FSTL4: variants seen among roughly 807,000 people sequenced by gnomAD.
FSTL4 encodes follistatin like 4.
In FSTL4, 28 loss-of-function variants were observed where a neutral mutation model predicts 78.2. The ratio of observed to expected loss-of-function variants is 0.36; its 90% confidence interval spans 0.27 to 0.49. FSTL4 has a LOEUF of 0.49. FSTL4 is among the 20% of genes least tolerant of loss of function. The pLI, the probability that FSTL4 is intolerant of heterozygous loss-of-function variation, is 0.98. For missense variants in FSTL4, 922 were observed against 1,084.9 expected, an observed-to-expected ratio of 0.85 and a Z score of 2.11; for synonymous variants, 422 against 440.5, an observed-to-expected ratio of 0.96 and a Z score of 0.53.
intron 3 of FSTL4, among the ~76,000 whole-genome samples, chr5:133,439,766 A>T (rs934248096): frequency 6.6e-6 from 1 of 152,192 alleles, no homozygotes; most frequent in Non-Finnish European, 1.5e-5. Context: ...CCAGATGCAC[A>T]TGGGAGAGCA....
chr5:133,383,418 G>C (rs1022815903), intron 4 of FSTL4, among the ~76,000 whole-genome samples: 9 of 152,210 alleles, frequency 5.9e-5, no homozygotes, highest in Admixed American at 1.3e-4. Flanking sequence ...TCGGGGGAGA[G>C]GAGAGCCTTT....
the FSTL4 span, among the ~76,000 whole-genome samples, chr5:133,782,104 T>C: frequency 6.6e-6 from 1 of 152,158 alleles, no homozygotes; most frequent in African/African-American, 2.4e-5. Context: ...ACAACAGCTA[T>C]GAAAAACGGG....
intron 3 of FSTL4, among the ~76,000 whole-genome samples, chr5:133,480,251 C>G (rs901005232): frequency 6.6e-6 from 1 of 152,258 alleles, no homozygotes; most frequent in African/African-American, 2.4e-5. Context: ...TACTTCACCT[C>G]TGTAAGCCTC....
At chr5:133,475,184 T>G (rs1757904158) in intron 3 of FSTL4, among the ~76,000 whole-genome samples, 1 of 152,224 alleles carries the variant, frequency 6.6e-6, no homozygotes, top group Non-Finnish European at 1.5e-5. Flanking sequence ...AGGCTCCTGT[T>G]CCCGAGAATT....
At chr5:133,700,252 C>A in the FSTL4 span, among the ~76,000 whole-genome samples, 112 of 151,608 alleles carry the variant, frequency 7.4e-4, 1 homozygote, top group African/African-American at 2.6e-3. Context: ...AACCATCACA[C>A]AAAGCCACCA....
chr5:133,418,248 G>A lies in FSTL4; in HGVS notation c.161-17262C>T, dbSNP rs554046114. On this transcript the variant is annotated intron_variant, in intron 3 of 15. Coordinates refer to ENST00000265342, the MANE Select transcript of FSTL4 (RefSeq NM_015082.2). Reference sequence around the variant, plus strand: ...AAAAAGATGGATATTATAAATTACCGATATCAGGAGTGAAAGAAAGAGTAT... The same window carrying A: ...AAAAAGATGGATATTATAAATTACCAATATCAGGAGTGAAAGAAAGAGTAT... 1.0e-3 allele frequency among the ~76,000 whole-genome samples: 139 copies of A among 137,526 alleles called. 3 individuals are homozygous for A. The South Asian group carries it at 0.012, about 12-fold the overall frequency. 90.2% of individuals were successfully genotyped at this position (137,526 alleles called of 152,430 possible).
At chr5:133,255,173 G>A (rs942490663) in intron 6 of FSTL4, among the ~76,000 whole-genome samples, 18 of 152,216 alleles carry the variant, frequency 1.2e-4, no homozygotes, top group Non-Finnish European at 2.4e-4. Flanking sequence ...CAGTGAGAGA[G>A]GGCTCAGCCA....
At chr5:133,806,988 T>G in the FSTL4 span, among the ~76,000 whole-genome samples, 1 of 152,246 alleles carries the variant, frequency 6.6e-6, no homozygotes, top group East Asian at 1.9e-4. Context: ...CAGGGAACAT[T>G]TCAGGTGTGG....
chr5:133,238,668 A>G (rs1444112952), intron 7 of FSTL4, among the ~76,000 whole-genome samples: 1 of 152,184 alleles, frequency 6.6e-6, no homozygotes, highest in Non-Finnish European at 1.5e-5. Context: ...AGCGCACCCA[A>G]ACATCTACAT....
intron 4 of FSTL4, among the ~76,000 whole-genome samples, chr5:133,348,069 T>C (rs1285201368): frequency 1.3e-5 from 2 of 152,196 alleles, no homozygotes; most frequent in Non-Finnish European, 2.9e-5. Context: ...TTTTTTCTCC[T>C]AAGTTCTTCC....
chr5:133,763,758 A>G, the FSTL4 span, among the ~76,000 whole-genome samples: 1 of 152,256 alleles, frequency 6.6e-6, no homozygotes, highest in African/African-American at 2.4e-5. Flanking sequence ...AGAGACTGAA[A>G]TATGAAGTGA....
the FSTL4 span, among the ~76,000 whole-genome samples, chr5:133,660,994 T>TA: frequency 1.3e-5 from 2 of 148,420 alleles, no homozygotes; most frequent in East Asian, 2.0e-4. Flanking sequence ...TATTTTTTTT[T>TA]ACTTTTGTTT....
At chr5:133,445,711 G>A (rs780558937) in intron 3 of FSTL4, among the ~76,000 whole-genome samples, 7 of 152,172 alleles carry the variant, frequency 4.6e-5, no homozygotes, top group Non-Finnish European at 7.4e-5. Flanking sequence ...TCCCCAAAAC[G>A]TGCACAGGCC....
chr5:133,392,976 C>T (rs1755890027), intron 4 of FSTL4, among the ~76,000 whole-genome samples: 1 of 152,206 alleles, frequency 6.6e-6, no homozygotes, highest in South Asian at 2.1e-4. Flanking sequence ...AATATTCTTG[C>T]ACATTTGCGG....
At chr5:133,417,745 G>A (rs1429291697) in intron 3 of FSTL4, among the ~76,000 whole-genome samples, 2 of 151,890 alleles carry the variant, frequency 1.3e-5, no homozygotes. Flanking sequence ...ATCACTTGAG[G>A]TCAGGAGTTT....
At chr5:133,656,425 C>G in the FSTL4 span, among the ~76,000 whole-genome samples, 1 of 152,162 alleles carries the variant, frequency 6.6e-6, no homozygotes, top group Non-Finnish European at 1.5e-5. Context: ...TTTGCACAGG[C>G]AGTGGCAGTT....
chr5:133,484,448 A>G (rs940735422), intron 3 of FSTL4, among the ~76,000 whole-genome samples: 1 of 152,242 alleles, frequency 6.6e-6, no homozygotes, highest in African/African-American at 2.4e-5. Flanking sequence ...GGAAGAATAG[A>G]AGATATCTAC....
Position 133,312,687 on chromosome 5 carries a change from A to G in FSTL4, c.694T>C (p.Ser232Pro). The change falls in exon 6 of 16, where the codon TCC (serine) becomes CCC (proline). Residue 232 changes from serine (S) to proline (P), a missense_variant. Ser to Pro is a moderately conservative substitution (Grantham distance 74, BLOSUM62 -1). Transcript: ENST00000265342. ...LRFDDYNSDS[S>P]LTLREFYMAF... ...ATGTAGAACTCGCGGAGGGTCAGGG[A>G]GCTGTCACTGTTGTAATCGTCAAAT... is the stretch of plus-strand genomic sequence containing the variant. The G allele has an allele frequency of 6.2e-7, 1 of 1,613,946 alleles. No homozygotes were observed. The highest frequency in any genetic ancestry group is 1.1e-5 in the South Asian group (1 of 91,070).
chr5:133,459,205 C>A (rs1020595148), intron 3 of FSTL4, among the ~76,000 whole-genome samples: 1 of 152,164 alleles, frequency 6.6e-6, no homozygotes, highest in African/African-American at 2.4e-5. Context: ...GCAAAGGGCA[C>A]ATATGTTTAT....
Sources: gnomAD v4.1 joint callset for allele counts (sites outside exome capture counted in the v4.1 genomes callset) on GRCh38, gnomAD v4.1.1 for gene constraint, MANE v1.5 for transcripts, NCBI Gene and HGNC (gene_info 2026-07-23, HGNC 2026-07-21) for gene names.